HAUS6: variants seen among roughly 807,000 people sequenced by gnomAD.
HAUS6 encodes HAUS augmin-like complex subunit 6.
Under a neutral mutation model 106.8 loss-of-function variants are expected in HAUS6, and 80 were observed. The ratio of observed to expected loss-of-function variants is 0.75; its 90% CI spans 0.63 to 0.90. HAUS6 has a LOEUF of 0.90. Ranked by LOEUF, HAUS6 falls within the 40% of genes least tolerant of loss-of-function variation. The pLI is 0.00. For missense variants in HAUS6, 1,155 were observed against 1,118.1 expected (o/e 1.03, Z -0.47); for synonymous variants, 356 against 379.1 (o/e 0.94, Z 0.71).
intron 7 of HAUS6, among the ~76,000 whole-genome samples, chr9:19,083,589 T>G (rs549317698): frequency 6.6e-6 from 1 of 151,728 alleles, no homozygotes; most frequent in South Asian, 2.1e-4. Context: ...GATCACGAGG[T>G]CAGGAGATAG....
rs1217276300 is a variant in HAUS6 at position 19,076,639 on chromosome 9, T to G, written c.1257A>C (p.Ala419=). 1 of 1,591,262 alleles carries G rather than the reference T, an allele frequency of 6.3e-7. No homozygotes were observed. Among genetic ancestry groups the G allele is most frequent in the Admixed American group, 1.7e-5 (1 of 59,768 alleles). ...CAGGATACTGACAAAGAATACTCTT[T>G]GCATACACTTCTTCTGAGGCAGGAT... is the stretch of plus-strand genomic sequence containing the variant. ...SFDPASEEVY[A]KSILCQYPAS... Residue 419 remains alanine, a synonymous_variant, in exon 11 of 17, where the codon GCA becomes GCC. Coordinates refer to ENST00000380502, the MANE Select transcript of HAUS6 (RefSeq NM_017645.5).
In HAUS6 at chr9:19,102,831, T is replaced by G. The variant is rs2131164956; in HGVS notation, c.-180A>C. The G allele has an allele frequency of 1.7e-6, 1 of 577,156 alleles. No homozygotes were observed. The highest frequency in any genetic ancestry group is 3.2e-5 in the East Asian group (1 of 31,530). The allele number at this position is 577,156 out of a possible 1,614,324, so 35.8% of individuals were successfully genotyped here. On this transcript the variant is annotated 5_prime_UTR_variant, in exon 1 of 17. Coordinates refer to ENST00000380502, the MANE Select transcript of HAUS6 (RefSeq NM_017645.5). ...AAGGGCCTCACAACCTCCGGGAAAT[T>G]GAGTTTCTAACGGTATAGTGCGGCC...
chr9:19,080,670 C>T lies in HAUS6; in HGVS notation c.873G>A (p.Leu291=). 6.3e-7 allele frequency: 1 copy of T among 1,591,928 alleles called. No homozygotes were observed. Among genetic ancestry groups the T allele is most frequent in the Non-Finnish European group, 8.6e-7 (1 of 1,163,032 alleles). ...CAGCCTCATAAACATTTCCTATGTG[C>T]AACTAAGGAATCAGGAGGAGAAAAA... The part of the protein sequence containing the change: ...LDKIEKQMFQ[L]HIGNVYEAGK... The change falls in exon 9 of 17, where the codon TTG becomes TTA. Residue 291 remains leucine (L), a splice_region_variant and synonymous_variant. Coordinates refer to ENST00000380502, the MANE Select transcript of HAUS6 (RefSeq NM_017645.5).
intron 11 of HAUS6, 97 bp downstream of exon 11, chr9:19,076,504 TG>T: frequency 1.4e-6 from 1 of 697,646 alleles, no homozygotes; most frequent in South Asian, 1.7e-5. Flanking sequence ...TAAAAAAAAA[TG>T]GAGGAAAAAG....
At chr9:19,086,214 G>A (rs912847867) in intron 7 of HAUS6, among the ~76,000 whole-genome samples, 43 of 152,050 alleles carry the variant, frequency 2.8e-4, no homozygotes, top group Non-Finnish European at 2.9e-5. Flanking sequence ...GGGAGGCTGA[G>A]GCAGGAGAAT....
At chr9:19,073,578 G>A (rs903497310) in intron 11 of HAUS6, among the ~76,000 whole-genome samples, 2 of 149,784 alleles carry the variant, frequency 1.3e-5, no homozygotes, top group African/African-American at 4.9e-5. Flanking sequence ...GAGTGCAAAA[G>A]CCCTTTCCCA....
chr9:19,093,740 A>G (rs552000213), intron 3 of HAUS6, among the ~76,000 whole-genome samples: 7 of 152,102 alleles, frequency 4.6e-5, no homozygotes, highest in African/African-American at 1.4e-4. Flanking sequence ...ATGGTAGTAC[A>G]TGGCTGTAAT....
chr9:19,091,312 A>G (rs959174422), intron 4 of HAUS6, among the ~76,000 whole-genome samples: 3 of 152,068 alleles, frequency 2.0e-5, no homozygotes, highest in Non-Finnish European at 2.9e-5. Context: ...AAAAAAAAAA[A>G]AAGAAACCAC....
intron 11 of HAUS6, among the ~76,000 whole-genome samples, chr9:19,075,894 G>C (rs1449466639): frequency 6.6e-6 from 1 of 151,872 alleles, no homozygotes; most frequent in Non-Finnish European, 1.5e-5. Context: ...CCAAGGTAGA[G>C]GTTGCAGTGA....
At chr9:19,092,930 A>AAAAAAAAAAAAAAAAG (rs1817785670) in intron 4 of HAUS6, among the ~76,000 whole-genome samples, 1 of 151,722 alleles carries the variant, frequency 6.6e-6, no homozygotes, top group African/African-American at 2.4e-5. Flanking sequence ...AAAAAAAAAA[A>AAAAAAAAAAAAAAAAG]AAAGAAATGT....
chr9:19,066,841 A>G (rs1836769771), intron 12 of HAUS6, among the ~76,000 whole-genome samples: 2 of 151,470 alleles, frequency 1.3e-5, no homozygotes, highest in African/African-American at 2.4e-5. Flanking sequence ...AAAAAAAAAA[A>G]AAAAAAAAAA....
rs747499379 is a variant in HAUS6, at chr9:19,070,255, C to T, written c.1340G>A (p.Ser447Asn). ...HNQENGCRGD[S>N]DTLGALHDLA... The stretch of plus-strand genomic sequence containing the variant: ...ATCATGTAGCGCTCCCAAGGTATCA[C>T]TGTCTCCTCTGCAACCATTTTCTTG... Residue 447 changes from serine to asparagine, a missense_variant, in exon 12 of 17, where the codon AGT (serine) becomes AAT (asparagine). By Grantham distance (46) the Ser-to-Asn change is conservative. This residue lies in a region of HAUS6 where 761 missense variants were observed against 690.0 expected (regional missense o/e 1.10). Transcript: ENST00000380502. 2 of 1,602,828 alleles carry T rather than the reference C, an allele frequency of 1.2e-6. No individual in the cohort carries two copies. The highest frequency in any genetic ancestry group is 1.3e-5 in the African/African-American group (1 of 74,828).
intron 15 of HAUS6, among the ~76,000 whole-genome samples, chr9:19,059,869 A>G (rs1232039714): frequency 6.6e-6 from 1 of 152,218 alleles, no homozygotes; most frequent in Non-Finnish European, 1.5e-5. Flanking sequence ...ACAAAATTGT[A>G]CATTATCAAA....
At chr9:19,095,051 A>C (rs1817831822) in intron 2 of HAUS6, among the ~76,000 whole-genome samples, 1 of 152,026 alleles carries the variant, frequency 6.6e-6, no homozygotes, top group Admixed American at 6.6e-5. Context: ...TTAAGCCTGA[A>C]AAGAAATAGT....
At position 19,063,036 on chromosome 9, in the gene HAUS6, T is replaced by G; in HGVS notation, c.1601A>C (p.Gln534Pro). 6.2e-7 allele frequency: 1 copy of G among 1,611,418 alleles called. No homozygotes were observed. The highest frequency in any genetic ancestry group is 8.5e-7 in the Non-Finnish European group (1 of 1,179,362). The change falls in exon 14 of 17, where the codon CAA (glutamine) becomes CCA (proline). Residue 534 changes from glutamine to proline, a missense_variant. This residue lies in a region of HAUS6 where 761 missense variants were observed against 690.0 expected (regional missense o/e 1.10). Coordinates refer to ENST00000380502, the MANE Select transcript of HAUS6 (RefSeq NM_017645.5). ...SLPAKKSDPFQKEQDHLVEEV... is the reference protein window; with the variant it reads ...SLPAKKSDPFPKEQDHLVEEV... ...TTCTACCAGATGATCTTGCTCTTTT[T>G]GAAATGGATCACTTTTTTTAGCTGG... is the stretch of plus-strand genomic sequence containing the variant.
intron 13 of HAUS6, 70 bp from the exon 14 acceptor site, chr9:19,063,263 C>A: frequency 1.0e-6 from 1 of 987,672 alleles, no homozygotes; most frequent in Non-Finnish European, 1.5e-6. Flanking sequence ...TCTTCATTAG[C>A]AGTTCACTGG....
Position 19,056,415 on chromosome 9 carries a change from AT to A in HAUS6, c.2807-12del. 1.3e-6 allele frequency: 2 copies of A among 1,482,474 alleles called. No individual in the cohort carries two copies. Among genetic ancestry groups the A allele is most frequent in the Non-Finnish European group, 9.4e-7 (1 of 1,062,244 alleles). The allele number at this position is 1,482,474 out of a possible 1,614,324, so 91.8% of individuals were successfully genotyped here. ...TCAAAATGTCTTCTTCTGCAAATTG[AT>A]TTTAAAAAAGTATAAGCAAACATTA... On this transcript the variant is annotated splice_polypyrimidine_tract_variant and intron_variant, in intron 16 of 16. Coordinates refer to ENST00000380502, the MANE Select transcript of HAUS6 (RefSeq NM_017645.5).
At chr9:19,078,605 T>C (rs1837064349) in intron 9 of HAUS6, among the ~76,000 whole-genome samples, 1 of 151,472 alleles carries the variant, frequency 6.6e-6, no homozygotes, top group Non-Finnish European at 1.5e-5. Flanking sequence ...CTGGCCAATG[T>C]GGTGAAACCT....
At chr9:19,062,885 C>A in intron 14 of HAUS6, 123 bp downstream of exon 14, 1 of 751,930 alleles carries the variant, frequency 1.3e-6, no homozygotes. Context: ...ATGCTGGTCT[C>A]GAACTTCTGG....
Sources: gnomAD v4.1 joint callset for allele counts (sites outside exome capture counted in the v4.1 genomes callset) on GRCh38, gnomAD v4.1.1 for gene constraint, gnomAD v4.1.1 regional missense constraint, MANE v1.5 for transcripts, NCBI Gene and HGNC (gene_info 2026-07-23, HGNC 2026-07-21) for gene names.